ADGRL2: variants seen among roughly 807,000 people sequenced by gnomAD.
ADGRL2 encodes calcium-independent alpha-latrotoxin receptor 2.
ADGRL2 carries 44 observed loss-of-function variants against 157.4 expected under a neutral mutation model. The ratio of observed to expected loss-of-function variants is 0.28; its 90% CI spans 0.22 to 0.36. ADGRL2 has a LOEUF of 0.36. ADGRL2 is among the 10% of genes least tolerant of loss of function. The pLI, the probability that ADGRL2 is intolerant of heterozygous loss-of-function variation, is 1.00. For synonymous variants in ADGRL2, 585 were observed against 624.7 expected (o/e 0.94, Z 0.95); for missense variants, 1,510 against 1,768.9 (o/e 0.85, Z 2.63).
intron 19 of ADGRL2, among the ~76,000 whole-genome samples, chr1:81,983,749 T>C (rs1662306566): frequency 6.6e-6 from 1 of 152,080 alleles, no homozygotes; most frequent in African/African-American, 2.4e-5. Context: ...ACCACTGCTT[T>C]AGATGGGGCC....
intron 3 of ADGRL2, among the ~76,000 whole-genome samples, chr1:81,662,939 G>A (rs2082683303): frequency 6.6e-6 from 1 of 152,042 alleles, no homozygotes; most frequent in African/African-American, 2.4e-5. Flanking sequence ...AAGTAATGGT[G>A]GTGTTGAGGT....
intron 3 of ADGRL2, among the ~76,000 whole-genome samples, chr1:81,610,229 G>GGTTTTT (rs1557503906): frequency 7.8e-6 from 1 of 127,390 alleles, no homozygotes; most frequent in Non-Finnish European, 1.6e-5. Context: ...TGGCTTGGAG[G>GGTTTTT]TTTTTTTTTT....
chr1:81,523,428 C>CAG (rs1415169725), intron 2 of ADGRL2, among the ~76,000 whole-genome samples: 3 of 151,402 alleles, frequency 2.0e-5, no homozygotes, highest in African/African-American at 4.8e-5. Context: ...TACACACACA[C>CAG]AGAGAGAGAG....
intron 1 of ADGRL2, among the ~76,000 whole-genome samples, chr1:81,406,812 TG>T (rs1202970175): frequency 1.3e-5 from 2 of 152,174 alleles, no homozygotes; most frequent in Non-Finnish European, 2.9e-5. Context: ...AAGGGGACTC[TG>T]GAGGTTAAAA....
chr1:81,732,221 T>C (rs1018840349), intron 1 of ADGRL2, among the ~76,000 whole-genome samples: 1 of 152,186 alleles, frequency 6.6e-6, no homozygotes, highest in Non-Finnish European at 1.5e-5. Flanking sequence ...CAATGTGAGA[T>C]CCACCCCTAG....
chr1:81,750,084 G>A (rs2085439399), intron 1 of ADGRL2, among the ~76,000 whole-genome samples: 1 of 152,182 alleles, frequency 6.6e-6, no homozygotes, highest in Non-Finnish European at 1.5e-5. Flanking sequence ...TTAAACATGT[G>A]ATATGCAATA....
intron 1 of ADGRL2, among the ~76,000 whole-genome samples, chr1:81,309,622 C>A (rs1476950034): frequency 2.6e-5 from 4 of 152,154 alleles, no homozygotes; most frequent in African/African-American, 7.2e-5. Flanking sequence ...CAAAGTTCTT[C>A]ATCTCAATCT....
Position 81,950,474 on chromosome 1 carries a change from G to A in ADGRL2, c.1496G>A (p.Gly499Glu), listed in dbSNP as rs1198941375. 1.9e-6 allele frequency: 3 copies of A among 1,611,730 alleles called. No homozygotes were observed. Among genetic ancestry groups the A allele is most frequent in the Non-Finnish European group, 2.5e-6 (3 of 1,178,850 alleles). The part of the protein sequence containing the change: ...GMMVERPCPK[G>E]TRGTASYLCM... ...ATGGTTGAACGACCATGCCCTAAGGGAACAAGAGGTATTTTCTATAAACTA... is the reference window on the plus strand; with the variant it reads ...ATGGTTGAACGACCATGCCCTAAGGAAACAAGAGGTATTTTCTATAAACTA... Residue 499 changes from glycine (G) to glutamate (E), a missense_variant, in exon 7 of 24, where the codon GGA becomes GAA. Transcript: ENST00000686636.
chr1:81,332,704 C>T (rs1403952520), intron 1 of ADGRL2, among the ~76,000 whole-genome samples: 7 of 152,016 alleles, frequency 4.6e-5, no homozygotes, highest in Non-Finnish European at 1.0e-4. Flanking sequence ...TACTTTTATT[C>T]GAAATTGAAC....
intron 2 of ADGRL2, among the ~76,000 whole-genome samples, chr1:81,476,783 A>C (rs1180187377): frequency 6.6e-6 from 1 of 152,120 alleles, no homozygotes; most frequent in Non-Finnish European, 1.5e-5. Flanking sequence ...CAGTCATTCT[A>C]CCTTTTTCTC....
intron 1 of ADGRL2, among the ~76,000 whole-genome samples, chr1:81,361,169 T>C (rs2075971905): frequency 6.6e-6 from 1 of 151,924 alleles, no homozygotes; most frequent in East Asian, 1.9e-4. Flanking sequence ...CGTTAGATGA[T>C]TCACTGGGCT....
chr1:81,770,187 G>C lies in ADGRL2; in HGVS notation c.-101+8335G>C, dbSNP rs531857194. ...TTTTTTTTTTTTTTTTTTTGAGACC[G>C]AGTCTCACTCTATAGCCCAGGCTGG... is the stretch of plus-strand genomic sequence containing the variant. On this transcript the variant is annotated intron_variant, in intron 2 of 20. Transcript: ENST00000359929. Among the ~76,000 whole-genome samples the C allele has an allele frequency of 2.3e-3, 261 of 112,482 alleles. 4 individuals are homozygous for C. Among genetic ancestry groups the C allele is most frequent in the Admixed American group, 3.2e-3 (27 of 8,390 alleles). The allele number at this position is 112,482 out of a possible 152,430, so 73.8% of individuals were successfully genotyped here.
chr1:81,357,715 G>A (rs568621639), intron 1 of ADGRL2, among the ~76,000 whole-genome samples: 6 of 152,062 alleles, frequency 3.9e-5, no homozygotes, highest in Non-Finnish European at 8.8e-5. Flanking sequence ...GGCAGGCTTG[G>A]GGGTAGAAGG....
chr1:81,990,145 A>G lies in ADGRL2; in HGVS notation c.3656-246A>G, dbSNP rs886138533. 5 of 985,212 alleles carry G rather than the reference A, an allele frequency of 5.1e-6. No homozygotes were observed. In the African/African-American group the frequency reaches 7.0e-5, roughly 14 times the overall value. 61.0% of individuals were successfully genotyped at this position (985,212 alleles called of 1,614,324 possible). The stretch of plus-strand genomic sequence containing the variant: ...ATCAGTACTGTCTCCTGAAATTGAT[A>G]AAGTATTACTCTGTATGCCATTTTC... On this transcript the variant is annotated intron_variant, in intron 23 of 23. Transcript: ENST00000686636.
intron 1 of ADGRL2, among the ~76,000 whole-genome samples, chr1:81,731,088 G>A (rs1326630745): frequency 6.6e-6 from 1 of 152,180 alleles, no homozygotes; most frequent in Admixed American, 6.5e-5. Flanking sequence ...TAACTAGGCT[G>A]TGTAGGCAAG....
At chr1:81,490,702 G>A (rs2078613080) in intron 2 of ADGRL2, among the ~76,000 whole-genome samples, 1 of 152,178 alleles carries the variant, frequency 6.6e-6, no homozygotes, top group Non-Finnish European at 1.5e-5. Context: ...CACACAGCTG[G>A]TGAGAGCATA....
chr1:81,684,479 G>T, intron 3 of ADGRL2, among the ~76,000 whole-genome samples: 1 of 151,866 alleles, frequency 6.6e-6, no homozygotes, highest in Admixed American at 6.6e-5. Context: ...TTGATGGGAT[G>T]GTTTGTTTTT....
chr1:81,941,939 G>C, intron 4 of ADGRL2, 95 bp from the exon 5 acceptor site: 1 of 626,984 alleles, frequency 1.6e-6, no homozygotes, highest in Admixed American at 2.5e-5. Context: ...CATCTGTTAC[G>C]AATTCAGTCT....
chr1:81,673,910 A>C (rs1207031845), intron 3 of ADGRL2, among the ~76,000 whole-genome samples: 1 of 152,192 alleles, frequency 6.6e-6, no homozygotes, highest in Non-Finnish European at 1.5e-5. Context: ...TTATAATGTC[A>C]GTAACTATGA....
Sources: allele counts gnomAD v4.1 joint callset (sites outside exome capture counted in the v4.1 genomes callset), GRCh38; gene constraint gnomAD v4.1.1; transcripts MANE v1.5; gene names NCBI Gene and HGNC (gene_info 2026-07-23, HGNC 2026-07-21).